ROBO2: variants seen among roughly 807,000 people sequenced by gnomAD.
ROBO2 encodes roundabout homolog 2.
Under a neutral mutation model 160.8 loss-of-function variants are expected in ROBO2, and 53 were observed. The ratio of observed to expected loss-of-function variants is 0.33; its 90% CI spans 0.26 to 0.41. ROBO2 has a LOEUF of 0.41. ROBO2 is among the 10% of genes least tolerant of loss of function. ROBO2 has a pLI of 1.00. For synonymous variants in ROBO2, 664 were observed against 611.7 expected, an observed-to-expected ratio of 1.09 and a Z score of -1.26; for missense variants, 1,577 against 1,722.4, an observed-to-expected ratio of 0.92 and a Z score of 1.49.
chr3:77,516,550 T>G (rs1423850546), intron 5 of ROBO2, among the ~76,000 whole-genome samples: 1 of 151,562 alleles, frequency 6.6e-6, no homozygotes, highest in African/African-American at 2.4e-5. Flanking sequence ...ATTATTTCAT[T>G]TATTTTGGCG....
intron 2 of ROBO2, among the ~76,000 whole-genome samples, chr3:76,271,369 G>C (rs1310525545): frequency 2.0e-5 from 3 of 151,678 alleles, no homozygotes; most frequent in African/African-American, 7.3e-5. Context: ...ATTGTAGTAA[G>C]ACTTAGGTAC....
intron 2 of ROBO2, among the ~76,000 whole-genome samples, chr3:77,454,250 G>C (rs2081396259): frequency 6.6e-6 from 1 of 152,028 alleles, no homozygotes; most frequent in East Asian, 1.9e-4. Flanking sequence ...AAACAAGATT[G>C]TGTTTGAGAA....
At chr3:76,602,894 G>A (rs1435981508) in intron 2 of ROBO2, among the ~76,000 whole-genome samples, 2 of 152,218 alleles carry the variant, frequency 1.3e-5, no homozygotes, top group Non-Finnish European at 2.9e-5. Flanking sequence ...TTTCCAAAAT[G>A]AGAGCATTTG....
chr3:76,353,322 C>T (rs2074984261), intron 2 of ROBO2, among the ~76,000 whole-genome samples: 1 of 151,864 alleles, frequency 6.6e-6, no homozygotes, highest in Non-Finnish European at 1.5e-5. Context: ...ATTTTAAGTG[C>T]TAATCATAAG....
intron 2 of ROBO2, among the ~76,000 whole-genome samples, chr3:76,950,015 G>A (rs980382328): frequency 6.6e-6 from 1 of 152,198 alleles, no homozygotes; most frequent in Non-Finnish European, 1.5e-5. Flanking sequence ...GTTAGAATGA[G>A]ACATGCATTC....
intron 2 of ROBO2, among the ~76,000 whole-genome samples, chr3:77,280,825 T>C (rs1488833453): frequency 6.6e-6 from 1 of 152,152 alleles, no homozygotes; most frequent in Non-Finnish European, 1.5e-5. Flanking sequence ...ATTGATAGTT[T>C]CCCTTGCCCT....
At chr3:77,454,244 A>G (rs1276028590) in intron 2 of ROBO2, among the ~76,000 whole-genome samples, 4 of 152,126 alleles carry the variant, frequency 2.6e-5, no homozygotes, top group Non-Finnish European at 5.9e-5. Context: ...CAATATAAAC[A>G]AGATTGTGTT....
intron 2 of ROBO2, among the ~76,000 whole-genome samples, chr3:77,167,818 C>T (rs1424391305): frequency 2.6e-5 from 4 of 152,148 alleles, no homozygotes; most frequent in Admixed American, 6.5e-5. Context: ...GTTACCCTGA[C>T]ACTTCCATTA....
At chr3:77,016,381 T>C (rs904483504) in intron 2 of ROBO2, among the ~76,000 whole-genome samples, 1 of 152,100 alleles carries the variant, frequency 6.6e-6, no homozygotes, top group African/African-American at 2.4e-5. Flanking sequence ...TCTATGTCTC[T>C]CCATTAAAGA....
intron 24 of ROBO2, among the ~76,000 whole-genome samples, chr3:77,638,229 T>G (rs764143219): frequency 6.6e-6 from 1 of 152,218 alleles, no homozygotes; most frequent in African/African-American, 2.4e-5. Flanking sequence ...AAAATCAAGT[T>G]GTTCTTTTTG....
rs532789578 is a variant in ROBO2 at position 76,880,083 on chromosome 3, T to C, written c.110-217931T>C. On this transcript the variant is annotated intron_variant, in intron 2 of 26. Transcript: ENST00000487694. The stretch of plus-strand genomic sequence containing the variant: ...AATTCATGAATCCTTATTTCTGTAA[T>C]GTTTGAAATTTCTCCCCTCGAAGTG... 3.5e-4 allele frequency among the ~76,000 whole-genome samples: 53 copies of C among 152,290 alleles called. No homozygotes were observed. In the South Asian group the frequency reaches 0.011, roughly 30 times the overall value.
intron 2 of ROBO2, among the ~76,000 whole-genome samples, chr3:75,968,851 C>T (rs551824616): frequency 5.6e-5 from 8 of 142,982 alleles, no homozygotes; most frequent in African/African-American, 1.5e-4. Flanking sequence ...TTTCTATATA[C>T]TTGGCTTGTT....
intron 2 of ROBO2, among the ~76,000 whole-genome samples, chr3:76,973,396 A>G (rs1373291340): frequency 6.6e-6 from 1 of 152,166 alleles, no homozygotes; most frequent in Non-Finnish European, 1.5e-5. Flanking sequence ...GAAGTATAAG[A>G]AAATGCTTTG....
intron 2 of ROBO2, among the ~76,000 whole-genome samples, chr3:76,674,350 AT>A (rs2092348988): frequency 6.6e-6 from 1 of 152,078 alleles, no homozygotes; most frequent in Non-Finnish European, 1.5e-5. Context: ...ACATGGCAGC[AT>A]CCCCCAGGTG....
intron 2 of ROBO2, among the ~76,000 whole-genome samples, chr3:76,017,710 G>A (rs999402627): frequency 1.3e-5 from 2 of 151,916 alleles, no homozygotes; most frequent in African/African-American, 2.4e-5. Flanking sequence ...CAATGTCATA[G>A]CAATCTAATT....
Position 77,177,754 on chromosome 3 carries a change from G to A in ROBO2, c.388+79414G>A, listed in dbSNP as rs149142918. Among the ~76,000 whole-genome samples, 449 of 151,928 alleles carry A rather than the reference G, an allele frequency of 3.0e-3. 2 individuals carry two copies. The highest frequency in any genetic ancestry group is 0.01 in the African/African-American group (434 of 41,488). On this transcript the variant is annotated intron_variant, in intron 2 of 25. Coordinates refer to ENST00000461745, the Ensembl canonical transcript of ROBO2. ...AGAAAATTAAATTTTTAATCAATAG[G>A]CAAAAGAGAGCAAGGCCATATACTT...
Position 76,972,795 on chromosome 3 carries a change from A to C in ROBO2, c.110-125219A>C, listed in dbSNP as rs116582632. ...GAATACAACAAGCTATGATCCTGCC[A>C]CTGCACTCCAGTCTGGGCAACAGAG... On this transcript the variant is annotated intron_variant, in intron 2 of 26. Coordinates refer to the ROBO2 transcript ENST00000487694. Among the ~76,000 whole-genome samples, 576 of 152,274 alleles carry C rather than the reference A, an allele frequency of 3.8e-3. 5 individuals are homozygous for C. Among genetic ancestry groups the C allele is most frequent in the African/African-American group, 0.013 (548 of 41,570 alleles).
chr3:76,853,317 C>T (rs1378681079), intron 2 of ROBO2, among the ~76,000 whole-genome samples: 1 of 152,040 alleles, frequency 6.6e-6, no homozygotes, highest in African/African-American at 2.4e-5. Context: ...CCAAGAGTTA[C>T]TCAGCCTTAG....
chr3:76,965,793 A>ATATATATATG (rs2059253051), intron 2 of ROBO2, among the ~76,000 whole-genome samples: 1 of 146,220 alleles, frequency 6.8e-6, no homozygotes, highest in Non-Finnish European at 1.5e-5. Flanking sequence ...GTGTATATAT[A>ATATATATATG]TATATATATA....
Sources: allele counts gnomAD v4.1 joint callset (sites outside exome capture counted in the v4.1 genomes callset), GRCh38; gene constraint gnomAD v4.1.1; transcripts MANE v1.5; gene names NCBI Gene and HGNC (gene_info 2026-07-23, HGNC 2026-07-21).